EEA1: variants seen among roughly 807,000 people sequenced by gnomAD.
EEA1 encodes the protein early endosome antigen 1.
Under a neutral mutation model 209.2 loss-of-function variants are expected in EEA1, and 111 were observed. The ratio of observed to expected loss-of-function variants is 0.53; its 90% CI spans 0.45 to 0.62. The LOEUF is 0.62. Among genes scored for constraint, EEA1 ranks in the 20% least tolerant of loss-of-function variants. The pLI is 0.00. For synonymous variants in EEA1, 536 were observed against 540.6 expected (o/e 0.99, Z 0.12); for missense variants, 1,343 against 1,530.8 (o/e 0.88, Z 2.05).
chr12:92,777,300 TA>T (rs1020661356), intron 27 of EEA1, among the ~76,000 whole-genome samples: 1 of 151,986 alleles, frequency 6.6e-6, no homozygotes, highest in Non-Finnish European at 1.5e-5. Context: ...TTGAATTTTG[TA>T]GTTCTTTCCA....
At chr12:92,792,416 A>G (rs143905937) in intron 21 of EEA1, among the ~76,000 whole-genome samples, 2,302 of 152,302 alleles carry the variant, frequency 0.015, 54 homozygotes, top group African/African-American at 0.052. Context: ...GAAGAATCAA[A>G]TAGATGCAAT....
At chr12:92,884,664 C>G in intron 2 of EEA1, 6 of 1,293,096 alleles carry the variant, frequency 4.6e-6, no homozygotes, top group Non-Finnish European at 6.6e-6. Flanking sequence ...TATGGTGGTT[C>G]CAGTAGCAGC....
intron 10 of EEA1, among the ~76,000 whole-genome samples, chr12:92,834,711 G>T (rs978510115): frequency 6.6e-6 from 1 of 151,932 alleles, no homozygotes; most frequent in Non-Finnish European, 1.5e-5. Context: ...GAAAATCACA[G>T]AACAAAAATA....
rs763790199 is a variant in EEA1 at position 92,782,011 on chromosome 12, G to A, written c.3275C>T (p.Ala1092Val). The A allele has an allele frequency of 3.2e-5, 51 of 1,612,768 alleles. No homozygotes were observed. The highest frequency in any genetic ancestry group is 4.3e-5 in the Non-Finnish European group (51 of 1,179,296). The stretch of plus-strand genomic sequence containing the variant: ...CTCCTGCAATTGCTGTTCTTTCTTT[G>A]CTGAATCCTGCTCCAATGTAGCCTT... Reference protein sequence around the residue: ...TAKATLEQDSAKKEQQLQERC... With the variant: ...TAKATLEQDSVKKEQQLQERC... The change falls in exon 23 of 29, where the codon GCA (alanine) becomes GTA (valine). Residue 1092 changes from alanine to valine, a missense_variant. By Grantham distance (64) the Ala-to-Val change is moderately conservative. This residue lies in a region of EEA1 where 1,307 missense variants were observed against 1,465.5 expected (regional missense o/e 0.89). Coordinates refer to ENST00000322349, the MANE Select transcript of EEA1 (RefSeq NM_003566.4).
chr12:92,793,273 C>G (rs1486020661), intron 21 of EEA1, among the ~76,000 whole-genome samples: 1 of 152,170 alleles, frequency 6.6e-6, no homozygotes, highest in East Asian at 1.9e-4. Context: ...GTTGGAAGTT[C>G]TGGCCAGGGC....
chr12:92,833,678 G>T (rs907426484), intron 10 of EEA1, among the ~76,000 whole-genome samples: 2 of 152,146 alleles, frequency 1.3e-5, no homozygotes, highest in African/African-American at 4.8e-5. Context: ...GACCTTTAGT[G>T]TACAAACTTA....
In EEA1 at chr12:92,832,565, G is replaced by T. The variant is rs1876703717; in HGVS notation, c.1201C>A (p.Gln401Lys). 6.2e-7 allele frequency: 1 copy of T among 1,614,012 alleles called. No individual in the cohort carries two copies. Among genetic ancestry groups the T allele is most frequent in the East Asian group, 2.2e-5 (1 of 44,854 alleles). Residue 401 changes from glutamine (Q) to lysine (K), a missense_variant, in exon 11 of 29, where the codon CAG (glutamine) becomes AAG (lysine). Gln to Lys is a moderately conservative substitution (Grantham distance 53). Coordinates refer to ENST00000322349, the MANE Select transcript of EEA1 (RefSeq NM_003566.4). ...LKAEFKQLQQ[Q>K]REEKEQHGLQ... ...CCATGCTGCTCCTTTTCTTCTCTCT[G>T]TTGTTGTAGCTGCTTAAACTCCGCC...
rs75684143 is a variant in EEA1 at position 92,850,808 on chromosome 12, T to A, written c.798+303A>T. Among the ~76,000 whole-genome samples the A allele has an allele frequency of 7.8e-3, 1,193 of 152,048 alleles. 9 individuals carry two copies. Among genetic ancestry groups the A allele is most frequent in the Middle Eastern group, 0.01 (3 of 294 alleles). ...TGTAGAAAATGCTATCATTCTTCCTTTAAAGTCAATTACCATTTATCAACC... is the reference window on the plus strand; with the variant it reads ...TGTAGAAAATGCTATCATTCTTCCTATAAAGTCAATTACCATTTATCAACC... On this transcript the variant is annotated intron_variant, in intron 9 of 28. Transcript: ENST00000322349.
At chr12:92,889,922 G>C (rs1879593444) in intron 2 of EEA1, among the ~76,000 whole-genome samples, 1 of 151,960 alleles carries the variant, frequency 6.6e-6, no homozygotes, top group African/African-American at 2.4e-5. Flanking sequence ...TCAAAAAAAA[G>C]AAAGAAAGAA....
chr12:92,842,601 CA>C lies in EEA1; in HGVS notation c.799-21del, dbSNP rs777823761. ...TGTGGCCTAACAAAACAAAACAAAA[CA>C]AAAATTAAAGCAAACTAAATTGTCT... is the stretch of plus-strand genomic sequence containing the variant. On this transcript the variant is annotated intron_variant, in intron 9 of 28. Coordinates refer to ENST00000322349, the MANE Select transcript of EEA1 (RefSeq NM_003566.4). The C allele has an allele frequency of 7.3e-7, 1 of 1,372,526 alleles. No individual in the cohort carries two copies. Among genetic ancestry groups the C allele is most frequent in the East Asian group, 2.4e-5 (1 of 42,092 alleles). 85.0% of individuals were successfully genotyped at this position (1,372,526 alleles called of 1,614,324 possible).
intron 18 of EEA1, among the ~76,000 whole-genome samples, chr12:92,808,737 A>G (rs113397334): frequency 5.3e-5 from 8 of 152,324 alleles, no homozygotes; most frequent in African/African-American, 1.9e-4. Context: ...ACATAAAACA[A>G]GGTTTATGCC....
rs183471626 is a variant in EEA1 at position 92,890,784 on chromosome 12, C to T, written c.117+845G>A. Among the ~76,000 whole-genome samples, 393 of 152,250 alleles carry T rather than the reference C, an allele frequency of 2.6e-3. 3 individuals carry two copies. Among genetic ancestry groups the T allele is most frequent in the African/African-American group, 8.7e-3 (363 of 41,526 alleles). ...AATCTTACTATGGTTAAAATACATA[C>T]ACATGGAGACAAAAAATAAACACAT... On this transcript the variant is annotated intron_variant, in intron 2 of 28. Transcript: ENST00000322349.
intron 2 of EEA1, among the ~76,000 whole-genome samples, chr12:92,868,014 A>G (rs1443807941): frequency 6.6e-6 from 1 of 152,214 alleles, no homozygotes; most frequent in African/African-American, 2.4e-5. Context: ...CATTTAGGAA[A>G]CAGAAGGCTT....
At position 92,828,065 on chromosome 12, in the gene EEA1, TA is replaced by T. The variant is rs34276833; in HGVS notation, c.1255-5del. On this transcript the variant is annotated splice_region_variant and splice_polypyrimidine_tract_variant and intron_variant, in intron 11 of 28. Coordinates refer to ENST00000322349, the MANE Select transcript of EEA1 (RefSeq NM_003566.4). ...TCTCCAGAAGTTTGCTATGTAACTT[TA>T]AAAAAAGAAAAAAAAATGTATGTAC... 6.5e-7 allele frequency: 1 copy of T among 1,541,148 alleles called. No homozygotes were observed. Among genetic ancestry groups the T allele is most frequent in the Non-Finnish European group, 8.7e-7 (1 of 1,152,384 alleles).
intron 13 of EEA1, among the ~76,000 whole-genome samples, chr12:92,823,608 A>T (rs1565822759): frequency 6.6e-6 from 1 of 152,130 alleles, no homozygotes; most frequent in Non-Finnish European, 1.5e-5. Context: ...CTAGAACTAG[A>T]CTCATTACAT....
At chr12:92,883,350 T>C (rs1318928185) in intron 2 of EEA1, among the ~76,000 whole-genome samples, 1 of 152,204 alleles carries the variant, frequency 6.6e-6, no homozygotes, top group Non-Finnish European at 1.5e-5. Flanking sequence ...AAATATTTTC[T>C]CCCATTCTGC....
chr12:92,809,696 A>G (rs1372093297), intron 17 of EEA1, among the ~76,000 whole-genome samples: 1 of 146,804 alleles, frequency 6.8e-6, no homozygotes, highest in Non-Finnish European at 1.5e-5. Context: ...CTCCATCTCA[A>G]AAAAAAAAAA....
At chr12:92,901,289 T>G (rs2136765544) in intron 1 of EEA1, among the ~76,000 whole-genome samples, 1 of 152,210 alleles carries the variant, frequency 6.6e-6, no homozygotes, top group South Asian at 2.1e-4. Context: ...TGGGCTCCAG[T>G]GATTCTCCTG....
intron 6 of EEA1, 33 bp downstream of exon 6, chr12:92,853,882 A>T: frequency 6.3e-7 from 1 of 1,583,486 alleles, no homozygotes; most frequent in Non-Finnish European, 8.6e-7. Context: ...AGAAAAAGAA[A>T]ACTGACAAAA....
Sources: allele counts gnomAD v4.1 joint callset (sites outside exome capture counted in the v4.1 genomes callset), GRCh38; gene constraint gnomAD v4.1.1; regional missense constraint gnomAD v4.1.1; transcripts MANE v1.5; gene names NCBI Gene and HGNC (gene_info 2026-07-23, HGNC 2026-07-21).